The following BTBD9 variants were observed in gnomAD, a reference collection of about 807,000 sequenced individuals.
BTBD9 encodes BTB/POZ domain-containing protein 9.
Under a neutral mutation model 64.3 loss-of-function variants are expected in BTBD9, and 49 were observed. The ratio of observed to expected loss-of-function variants is 0.76; its 90% CI spans 0.61 to 0.97. The LOEUF is 0.97. BTBD9 is among the 50% of genes least tolerant of loss of function. The pLI is 0.00. For missense variants in BTBD9, 598 were observed against 762.1 expected (o/e 0.78, Z 2.53); for synonymous variants, 260 against 274.7 (o/e 0.95, Z 0.53).
intron 4 of BTBD9, among the ~76,000 whole-genome samples, chr6:38,590,819 C>A: frequency 6.6e-6 from 1 of 152,208 alleles, no homozygotes; most frequent in Admixed American, 6.5e-5. Context: ...AATAATGGTG[C>A]CTGAGAATTT....
chr6:38,274,094 C>T (rs963589359), intron 8 of BTBD9, among the ~76,000 whole-genome samples: 3 of 152,242 alleles, frequency 2.0e-5, no homozygotes, highest in Admixed American at 6.5e-5. Flanking sequence ...AGGTCCTTCA[C>T]GTCCCTTGTA....
intron 6 of BTBD9, among the ~76,000 whole-genome samples, chr6:38,449,548 C>T (rs760396206): frequency 1.3e-5 from 2 of 151,810 alleles, no homozygotes; most frequent in Non-Finnish European, 2.9e-5. Flanking sequence ...AAAAATGATG[C>T]TGAGAAAACT....
chr6:38,310,335 G>A (rs990803640), intron 7 of BTBD9, among the ~76,000 whole-genome samples: 1 of 151,906 alleles, frequency 6.6e-6, no homozygotes, highest in African/African-American at 2.4e-5. Context: ...TGAACTTGGA[G>A]ACCTGGCGCA....
Position 38,279,263 on chromosome 6 carries a change from G to A in BTBD9, c.1454+9009C>T, listed in dbSNP as rs561632940. Among the ~76,000 whole-genome samples, 4 of 152,124 alleles carry A rather than the reference G, an allele frequency of 2.6e-5. No individual in the cohort carries two copies. In the East Asian group the frequency reaches 5.8e-4, roughly 22 times the overall value. ...GTGCCTCTGTGGTTACCAATGTAAG[G>A]GGCTAAGCTTTTTAAAAAGAGAGAT... On this transcript the variant is annotated intron_variant, in intron 8 of 10. Transcript: ENST00000481247.
chr6:38,618,887 T>C (rs1307282694), intron 1 of BTBD9, among the ~76,000 whole-genome samples: 3 of 152,136 alleles, frequency 2.0e-5, no homozygotes, highest in Non-Finnish European at 2.9e-5. Flanking sequence ...GACAGAATGA[T>C]AGCCGGAGAA....
chr6:38,182,981 CT>C (rs34180118), intron 10 of BTBD9, among the ~76,000 whole-genome samples: 87,909 of 142,860 alleles, frequency 0.62, 28,118 homozygotes, highest in Non-Finnish European at 0.73. Flanking sequence ...AAAAGGTCTT[CT>C]TTTTTTTTTT....
chr6:38,494,857 C>T (rs1202845004), intron 6 of BTBD9, among the ~76,000 whole-genome samples: 1 of 152,192 alleles, frequency 6.6e-6, no homozygotes, highest in East Asian at 1.9e-4. Flanking sequence ...GAAAAGAGAT[C>T]ATAATTCCAC....
intron 6 of BTBD9, among the ~76,000 whole-genome samples, chr6:38,471,438 A>T (rs979675917): frequency 1.3e-5 from 2 of 152,308 alleles, no homozygotes; most frequent in African/African-American, 4.8e-5. Flanking sequence ...AACTAAGATT[A>T]ACCCACAATC....
intron 2 of BTBD9, chr6:38,595,748 T>A (rs1319144059): frequency 1.0e-6 from 1 of 984,272 alleles, no homozygotes; most frequent in Non-Finnish European, 1.2e-6. Flanking sequence ...CCAGAAAAGA[T>A]TCATGAATAT....
intron 8 of BTBD9, among the ~76,000 whole-genome samples, chr6:38,259,431 C>T (rs1764716527): frequency 6.6e-6 from 1 of 152,170 alleles, no homozygotes; most frequent in African/African-American, 2.4e-5. Flanking sequence ...AGGACAGCTT[C>T]TCTCTCTGTT....
At chr6:38,638,682 T>C (rs1009884603) in intron 1 of BTBD9, among the ~76,000 whole-genome samples, 4 of 152,234 alleles carry the variant, frequency 2.6e-5, no homozygotes, top group Non-Finnish European at 5.9e-5. Context: ...AACAGAATCA[T>C]AGAATTTTAG....
At chr6:38,563,938 C>G in intron 6 of BTBD9, among the ~76,000 whole-genome samples, 1 of 152,038 alleles carries the variant, frequency 6.6e-6, no homozygotes, top group East Asian at 1.9e-4. Flanking sequence ...CCCGCCACCA[C>G]GCCTGGCTAA....
intron 9 of BTBD9, 138 bp from the exon 10 acceptor site, chr6:38,192,735 G>C: frequency 1.4e-6 from 1 of 710,106 alleles, no homozygotes; most frequent in South Asian, 1.6e-5. Context: ...GCAGGCAGCT[G>C]GGCTGCACCT....
intron 10 of BTBD9, among the ~76,000 whole-genome samples, chr6:38,177,241 T>C (rs1761311443): frequency 6.6e-6 from 1 of 152,212 alleles, no homozygotes. Context: ...CTACTCCTTA[T>C]TACCTTTTCT....
intron 6 of BTBD9, among the ~76,000 whole-genome samples, chr6:38,361,816 G>A (rs750405829): frequency 4.0e-5 from 6 of 151,680 alleles, no homozygotes; most frequent in Non-Finnish European, 7.4e-5. Context: ...CTCCAGCCTG[G>A]GCAACAAGAG....
At chr6:38,180,409 G>A (rs1333155037) in intron 10 of BTBD9, among the ~76,000 whole-genome samples, 1 of 152,198 alleles carries the variant, frequency 6.6e-6, no homozygotes, top group Non-Finnish European at 1.5e-5. Context: ...GCAGCTTGGA[G>A]GAAGTCATCA....
At chr6:38,280,738 T>C (rs912616293) in intron 8 of BTBD9, among the ~76,000 whole-genome samples, 1 of 152,204 alleles carries the variant, frequency 6.6e-6, no homozygotes, top group Non-Finnish European at 1.5e-5. Flanking sequence ...AGAGCCTAAC[T>C]CCAGAGCTCA....
chr6:38,582,728 A>AC (rs1311375520), intron 4 of BTBD9, among the ~76,000 whole-genome samples: 2 of 152,012 alleles, frequency 1.3e-5, no homozygotes, highest in Non-Finnish European at 1.5e-5. Context: ...TCTATCATTC[A>AC]CCCCCCTTGA....
chr6:38,624,417 A>G (rs1216002662), intron 1 of BTBD9, among the ~76,000 whole-genome samples: 1 of 152,076 alleles, frequency 6.6e-6, no homozygotes, highest in East Asian at 1.9e-4. Context: ...ACTCACGGCG[A>G]AGGTCCGCGG....
Sources: allele counts gnomAD v4.1 joint callset (sites outside exome capture counted in the v4.1 genomes callset), GRCh38; gene constraint gnomAD v4.1.1; transcripts MANE v1.5; gene names NCBI Gene and HGNC (gene_info 2026-07-23, HGNC 2026-07-21).